MRPL43: variants seen among roughly 807,000 people sequenced by gnomAD.
The protein encoded by MRPL43 is mitochondrial ribosomal protein L43.
MRPL43 carries 9 observed loss-of-function variants against 12.7 expected under a neutral mutation model. The observed-to-expected ratio is 0.71, with a 90% CI of 0.43 to 1.24. The LOEUF is 1.24. Among genes scored for constraint, MRPL43 ranks in the 50% most tolerant of loss-of-function variants. The pLI is 0.00. For synonymous variants in MRPL43, 116 were observed against 96.4 expected (o/e 1.20, Z -1.19); for missense variants, 211 against 229.2 (o/e 0.92, Z 0.51).
chr10:100,984,631 T>C, downstream of MRPL43: 1 of 1,536,344 alleles, frequency 6.5e-7, no homozygotes, highest in Non-Finnish European at 8.7e-7. Context: ...GAAGAATGTT[T>C]ATCGGCTGGG....
At chr10:100,978,907 T>C (rs752884133), downstream of MRPL43, 11 of 1,614,184 alleles carry the variant, frequency 6.8e-6, no homozygotes, top group South Asian at 9.9e-5. Context: ...CAGTGGGTGA[T>C]GATGACAAGG....
At chr10:100,981,167 G>A (rs1396115412), downstream of MRPL43, 3 of 1,614,250 alleles carry the variant, frequency 1.9e-6, no homozygotes, top group Admixed American at 1.7e-5. Context: ...TTCTGTCCCA[G>A]GACAGCACTG....
chr10:100,979,984 C>A, downstream of MRPL43: 1 of 1,614,018 alleles, frequency 6.2e-7, no homozygotes. Flanking sequence ...TGAGCCCCGG[C>A]CTGGCTCGGT....
At chr10:100,980,405 T>C (rs891266894), downstream of MRPL43, 3 of 1,519,302 alleles carry the variant, frequency 2.0e-6, no homozygotes, top group African/African-American at 2.7e-5. Context: ...TCTGAATCCA[T>C]TAATTCCTGC....
In MRPL43 at chr10:100,987,470, T is replaced by A. The variant is rs1026340905; in HGVS notation, c.-27A>T. 1 of 1,608,608 alleles carries A rather than the reference T, an allele frequency of 6.2e-7. No homozygotes were observed. Among genetic ancestry groups the A allele is most frequent in the Admixed American group, 1.7e-5 (1 of 59,730 alleles). ...GCTACAGCTTGGAGGCCGCGGAGCC[T>A]AAGCAGCGAGGAGAGGGGGGCGGGA... On this transcript the variant is annotated 5_prime_UTR_variant, in exon 1 of 3. Coordinates refer to ENST00000318364, the MANE Select transcript of MRPL43 (RefSeq NM_032112.3).
downstream of MRPL43, chr10:100,981,033 C>A: frequency 1.3e-6 from 2 of 1,595,114 alleles, no homozygotes; most frequent in Non-Finnish European, 1.7e-6. Flanking sequence ...CACATGTGGT[C>A]TGAGTGGAGG....
At chr10:100,979,797 G>C (rs775848507), downstream of MRPL43, 85 of 1,600,968 alleles carry the variant, frequency 5.3e-5, 1 homozygote, top group South Asian at 8.8e-4. Flanking sequence ...GAGTTGGGGG[G>C]CAGGCTTGAC....
chr10:100,981,290 C>A, downstream of MRPL43: 1 of 1,596,648 alleles, frequency 6.3e-7, no homozygotes, highest in Admixed American at 1.7e-5. Flanking sequence ...CCATTTACTG[C>A]CATGTGTACG....
At chr10:100,984,216 C>T (rs1023540260), downstream of MRPL43, 5 of 1,500,300 alleles carry the variant, frequency 3.3e-6, no homozygotes, top group African/African-American at 7.0e-5. Flanking sequence ...AGCCACCCTC[C>T]CTTCATTACC....
downstream of MRPL43, chr10:100,984,699 G>A (rs1350650732): frequency 1.3e-6 from 2 of 1,536,158 alleles, no homozygotes; most frequent in East Asian, 2.4e-5. Context: ...CCCTGCTTCT[G>A]GACTTGGGGT....
chr10:100,978,586 A>G (rs1375680753), downstream of MRPL43: 1 of 1,613,950 alleles, frequency 6.2e-7, no homozygotes, highest in Non-Finnish European at 8.5e-7. Context: ...CATCCGCCGG[A>G]GCCGCCACCC....
downstream of MRPL43, chr10:100,978,438 A>T (rs1021617959): frequency 3.1e-6 from 5 of 1,600,486 alleles, no homozygotes; most frequent in Admixed American, 1.7e-5. Context: ...TAGGATGTGG[A>T]TCTCATCTCT....
At chr10:100,978,496 G>A (rs1589986314), downstream of MRPL43, 5 of 1,605,226 alleles carry the variant, frequency 3.1e-6, no homozygotes, top group South Asian at 5.5e-5. Context: ...AATATGACAT[G>A]TCTCTCATGC....
chr10:100,980,868 T>G (rs1367220882), downstream of MRPL43: 1 of 1,608,118 alleles, frequency 6.2e-7, no homozygotes, highest in African/African-American at 1.3e-5. Flanking sequence ...CAGCTACCAC[T>G]CTCCAGCTGC....
chr10:100,985,214 G>A (rs1259577119), downstream of MRPL43: 2 of 284,408 alleles, frequency 7.0e-6, no homozygotes, highest in African/African-American at 2.2e-5. Context: ...GGCACATGAA[G>A]CCCATTCTTG....
downstream of MRPL43, chr10:100,983,449 T>A: frequency 6.2e-7 from 1 of 1,614,058 alleles, no homozygotes. Context: ...GGCTACCGTG[T>A]GGGCGTGGAC....
In MRPL43 at chr10:100,986,524, T is replaced by A; in HGVS notation, c.*210A>T. ...TCATCTCAGGTTTTAGGGATGCCAC[T>A]TGCATAAAAATGAGTGGTTCACAAG... On this transcript the variant is annotated 3_prime_UTR_variant, in exon 3 of 3. Coordinates refer to ENST00000318364, the MANE Select transcript of MRPL43 (RefSeq NM_032112.3). 6.4e-7 allele frequency: 1 copy of A among 1,552,582 alleles called. No individual in the cohort carries two copies. The highest frequency in any genetic ancestry group is 1.2e-5 in the South Asian group (1 of 84,552).
In MRPL43 at chr10:100,987,439, G is replaced by A. The variant is rs967091189; in HGVS notation, c.5C>T (p.Thr2Met). MTARGTPSRFLA... is the reference protein window; with the variant it reads MMARGTPSRFLA... ...GAAGCGGCTCGGAGTCCCGCGCGCCGTCATAGCTACAGCTTGGAGGCCGCG... is the reference window on the plus strand; with the variant it reads ...GAAGCGGCTCGGAGTCCCGCGCGCCATCATAGCTACAGCTTGGAGGCCGCG... The change falls in exon 1 of 3, where the codon ACG becomes ATG. Residue 2 changes from threonine (T) to methionine (M), a missense_variant. By Grantham distance (81) the Thr-to-Met change is moderately conservative. Coordinates refer to ENST00000318364, the MANE Select transcript of MRPL43 (RefSeq NM_032112.3). 7 of 1,612,084 alleles carry A rather than the reference G, an allele frequency of 4.3e-6. No homozygotes were observed. The highest frequency in any genetic ancestry group is 5.9e-6 in the Non-Finnish European group (7 of 1,179,786).
At chr10:100,984,711 C>A, downstream of MRPL43, 1 of 1,536,136 alleles carries the variant, frequency 6.5e-7, no homozygotes. Flanking sequence ...ACTTGGGGTA[C>A]CCTCCCAATT....
Sources: gnomAD v4.1 joint callset for allele counts on GRCh38, gnomAD v4.1.1 for gene constraint, MANE v1.5 for transcripts, NCBI Gene and HGNC (gene_info 2026-07-23, HGNC 2026-07-21) for gene names.